The following DPP10 variants were observed in gnomAD, a reference collection of about 807,000 sequenced individuals.
DPP10 encodes dipeptidyl peptidase like 10.
A neutral mutation model predicts 120.9 loss-of-function variants in DPP10; 33 were observed. That is an observed-to-expected ratio of 0.27 (90% CI 0.21 to 0.37). The LOEUF (loss-of-function observed/expected upper bound fraction) is 0.37, where lower values mean the gene tolerates loss of function less well. Among genes scored for constraint, DPP10 ranks in the 10% least tolerant of loss-of-function variants. The pLI, the probability that DPP10 is intolerant of heterozygous loss-of-function variation, is 1.00. For missense variants in DPP10, 816 were observed against 942.8 expected (o/e 0.87, Z 1.76); for synonymous variants, 337 against 326.1 (o/e 1.03, Z -0.36).
At position 115,539,159 on chromosome 2, in the gene DPP10, A is replaced by T. The variant is rs937092685; in HGVS notation, c.441+13187A>T. On this transcript the variant is annotated intron_variant, in intron 5 of 25. Transcript: ENST00000410059. The stretch of plus-strand genomic sequence containing the variant: ...TACTCTAGCCAATTAGAGGCTGTAT[A>T]GGAGACAGTCATAATTCTCAAAGAT... 2.0e-5 allele frequency among the ~76,000 whole-genome samples: 3 copies of T among 152,156 alleles called. No homozygotes were observed. In the South Asian group the frequency reaches 6.2e-4, roughly 31 times the overall value.
At chr2:115,656,805 A>G (rs907449118) in intron 5 of DPP10, among the ~76,000 whole-genome samples, 6 of 151,704 alleles carry the variant, frequency 4.0e-5, no homozygotes, top group Non-Finnish European at 8.9e-5. Flanking sequence ...AGGTTTGCTT[A>G]TTTATTTTAT....
chr2:115,724,577 A>T (rs1296424463), intron 7 of DPP10, among the ~76,000 whole-genome samples: 1 of 152,170 alleles, frequency 6.6e-6, no homozygotes, highest in Non-Finnish European at 1.5e-5. Flanking sequence ...TGGGTAGAGT[A>T]AGACCATTGA....
chr2:114,577,764 G>A (rs1056310495), intron 1 of DPP10, among the ~76,000 whole-genome samples: 6 of 152,152 alleles, frequency 3.9e-5, no homozygotes, highest in African/African-American at 1.4e-4. Flanking sequence ...GAAGGAGCCT[G>A]TTCCATGCCT....
At chr2:114,829,405 CAG>C (rs1357083747) in intron 1 of DPP10, among the ~76,000 whole-genome samples, 1 of 139,018 alleles carries the variant, frequency 7.2e-6, no homozygotes, top group African/African-American at 2.6e-5. Context: ...TTTTTTGAGA[CAG>C]AGTGTCGCTC....
intron 1 of DPP10, among the ~76,000 whole-genome samples, chr2:114,930,326 G>A (rs981703505): frequency 6.6e-6 from 1 of 151,838 alleles, no homozygotes; most frequent in Admixed American, 6.6e-5. Flanking sequence ...CCATCTTTAG[G>A]TCATTTCCTC....
chr2:114,809,209 C>T (rs769034033), intron 1 of DPP10, among the ~76,000 whole-genome samples: 11 of 151,988 alleles, frequency 7.2e-5, no homozygotes, highest in Admixed American at 4.6e-4. Flanking sequence ...AATTTTGTGT[C>T]CTAGATTGGC....
chr2:115,742,076 C>T (rs1368795766), intron 9 of DPP10, among the ~76,000 whole-genome samples: 1 of 152,050 alleles, frequency 6.6e-6, no homozygotes, highest in African/African-American at 2.4e-5. Context: ...TTTATGTTTT[C>T]AGGGAGACTT....
At chr2:115,434,336 T>A (rs1031500494) in intron 3 of DPP10, among the ~76,000 whole-genome samples, 1 of 152,108 alleles carries the variant, frequency 6.6e-6, no homozygotes, top group East Asian at 1.9e-4. Flanking sequence ...GTCCTTTTTT[T>A]ATTAAACGTA....
chr2:114,685,993 A>G (rs1290414243), intron 1 of DPP10, among the ~76,000 whole-genome samples: 1 of 151,968 alleles, frequency 6.6e-6, no homozygotes, highest in Non-Finnish European at 1.5e-5. Context: ...AGCTGGCTCT[A>G]CCAGTACACT....
chr2:115,447,175 G>A (rs932444662), intron 3 of DPP10, among the ~76,000 whole-genome samples: 17 of 152,164 alleles, frequency 1.1e-4, no homozygotes, highest in Admixed American at 3.3e-4. Flanking sequence ...TTTAATGACT[G>A]CCCCCACTGG....
chr2:115,608,699 T>A (rs2083878480), intron 5 of DPP10, among the ~76,000 whole-genome samples: 1 of 152,066 alleles, frequency 6.6e-6, no homozygotes, highest in Non-Finnish European at 1.5e-5. Context: ...ATCAGATATG[T>A]GAGCAGAGCT....
chr2:115,187,253 G>A (rs1166219482), intron 1 of DPP10, among the ~76,000 whole-genome samples: 1 of 150,954 alleles, frequency 6.6e-6, no homozygotes, highest in African/African-American at 2.4e-5. Flanking sequence ...AGCCAGGATG[G>A]TCTCGATCTC....
chr2:114,918,953 A>G (rs1260759911), intron 1 of DPP10, among the ~76,000 whole-genome samples: 1 of 152,066 alleles, frequency 6.6e-6, no homozygotes, highest in Non-Finnish European at 1.5e-5. Context: ...AAAAAAAAGA[A>G]AGAGTTGGAA....
intron 1 of DPP10, among the ~76,000 whole-genome samples, chr2:114,864,052 A>G (rs898473140): frequency 3.9e-5 from 6 of 152,232 alleles, no homozygotes; most frequent in African/African-American, 1.4e-4. Context: ...GATATTGAAA[A>G]TAACATTTTT....
chr2:115,194,138 A>G (rs1338430997), intron 1 of DPP10, among the ~76,000 whole-genome samples: 1 of 151,880 alleles, frequency 6.6e-6, no homozygotes, highest in African/African-American at 2.4e-5. Flanking sequence ...TCCAAAAGTT[A>G]TTTTTCTACT....
In DPP10 at chr2:114,942,115, T is replaced by C. The variant is rs1696947697; in HGVS notation, c.61-367124T>C. Among the ~76,000 whole-genome samples, 4 of 150,540 alleles carry C rather than the reference T, an allele frequency of 2.7e-5. No homozygotes were observed. In the South Asian group the frequency reaches 6.3e-4, roughly 24 times the overall value. ...GGTAAAACCCCATCTCTACTAAAAA[T>C]ACAAAAAATTAGCCAGGCGCGGTGG... On this transcript the variant is annotated intron_variant, in intron 1 of 25. Transcript: ENST00000410059.
intron 1 of DPP10, among the ~76,000 whole-genome samples, chr2:114,567,396 GTTA>G (rs1689284842): frequency 6.6e-6 from 1 of 152,130 alleles, no homozygotes; most frequent in African/African-American, 2.4e-5. Context: ...GAGATAGGGA[GTTA>G]TTCTGGTGGG....
intron 19 of DPP10, among the ~76,000 whole-genome samples, chr2:115,797,854 C>T (rs571516901): frequency 6.6e-6 from 1 of 151,654 alleles, no homozygotes; most frequent in South Asian, 2.1e-4. Context: ...GGGGGAAAAA[C>T]CCAAATTTAG....
At chr2:114,823,555 TC>T (rs1686279980) in intron 1 of DPP10, among the ~76,000 whole-genome samples, 2 of 152,038 alleles carry the variant, frequency 1.3e-5, no homozygotes, top group South Asian at 4.2e-4. Flanking sequence ...AGACCAAAAT[TC>T]CCCACCCCAA....
Sources: allele counts gnomAD v4.1 joint callset (sites outside exome capture counted in the v4.1 genomes callset), GRCh38; gene constraint gnomAD v4.1.1; transcripts MANE v1.5; gene names NCBI Gene and HGNC (gene_info 2026-07-23, HGNC 2026-07-21).